The following ATXN1 variants were observed in gnomAD, a reference collection of about 807,000 sequenced individuals.
ATXN1 encodes ataxin-1.
In ATXN1, 8 loss-of-function variants were observed where a neutral mutation model predicts 56.4. That is an observed-to-expected ratio of 0.14 (90% CI 0.08 to 0.26). The LOEUF (loss-of-function observed/expected upper bound fraction) is 0.26. ATXN1 is among the 10% of genes least tolerant of loss of function. ATXN1 has a pLI of 1.00. For missense variants in ATXN1, 987 were observed against 1,106.5 expected, an observed-to-expected ratio of 0.89 and a Z score of 1.53; for synonymous variants, 514 against 494.6, an observed-to-expected ratio of 1.04 and a Z score of -0.52.
intron 2 of ATXN1, among the ~76,000 whole-genome samples, chr6:16,698,332 A>G (rs1391626466): frequency 6.6e-6 from 1 of 152,122 alleles, no homozygotes; most frequent in Non-Finnish European, 1.5e-5. Flanking sequence ...CATAGTACCA[A>G]CCACTCCCTG....
chr6:16,445,453 G>T (rs559034857), intron 6 of ATXN1, among the ~76,000 whole-genome samples: 1 of 152,036 alleles, frequency 6.6e-6, no homozygotes, highest in South Asian at 2.1e-4. Flanking sequence ...TGAATGGGGT[G>T]GTGGGGCAAA....
intron 3 of ATXN1, among the ~76,000 whole-genome samples, chr6:16,605,043 C>T (rs1457914030): frequency 2.6e-5 from 4 of 152,130 alleles, no homozygotes; most frequent in Non-Finnish European, 5.9e-5. Context: ...CATTAGAAAA[C>T]AAATCAAGGA....
chr6:16,594,683 A>T (rs1046143459), intron 3 of ATXN1, among the ~76,000 whole-genome samples: 1 of 152,012 alleles, frequency 6.6e-6, no homozygotes, highest in Non-Finnish European at 1.5e-5. Flanking sequence ...AGGTTTCACT[A>T]TGTTGGCCAG....
At chr6:16,316,772 A>C (rs11755448) in intron 7 of ATXN1, among the ~76,000 whole-genome samples, 16 of 152,176 alleles carry the variant, frequency 1.1e-4, no homozygotes, top group Admixed American at 5.9e-4. Flanking sequence ...AAAACAAAAA[A>C]AAAACTGAAA....
At chr6:16,484,195 A>C (rs9396678) in intron 6 of ATXN1, among the ~76,000 whole-genome samples, 9,679 of 152,206 alleles carry the variant, frequency 0.064, 511 homozygotes, top group East Asian at 0.23. Flanking sequence ...CATTTTGGGA[A>C]GCAGAGGCGG....
At chr6:16,655,351 T>C (rs1418003166) in intron 3 of ATXN1, among the ~76,000 whole-genome samples, 1 of 152,122 alleles carries the variant, frequency 6.6e-6, no homozygotes, top group Non-Finnish European at 1.5e-5. Flanking sequence ...CGAGACCTCG[T>C]ATCTACAAAA....
At chr6:16,731,669 C>T (rs547566180) in intron 2 of ATXN1, among the ~76,000 whole-genome samples, 2 of 151,846 alleles carry the variant, frequency 1.3e-5, no homozygotes, top group South Asian at 4.2e-4. Context: ...AACAAATGGG[C>T]ATTTTTCCCC....
Position 16,410,203 on chromosome 6 carries a change from C to G in ATXN1, c.-161+75769G>C, listed in dbSNP as rs1403684618. The stretch of plus-strand genomic sequence containing the variant: ...TCACAGCATCTAGCGGCCCTCCTTC[C>G]CCCTTACTATGACTTCCAATTTTGA... On this transcript the variant is annotated intron_variant, in intron 6 of 7. Coordinates refer to ENST00000436367, the MANE Select transcript of ATXN1 (RefSeq NM_001128164.2). This position sits in a 1 kb window ranked among gnomAD's most constrained non-coding sequence, Gnocchi z 4.6. Among the ~76,000 whole-genome samples, 1 of 152,176 alleles carries G rather than the reference C, an allele frequency of 6.6e-6. No individual in the cohort carries two copies. Among genetic ancestry groups the G allele is most frequent in the Non-Finnish European group, 1.5e-5 (1 of 68,030 alleles).
intron 6 of ATXN1, among the ~76,000 whole-genome samples, chr6:16,329,619 T>C (rs1005170616): frequency 1.3e-5 from 2 of 152,244 alleles, no homozygotes; most frequent in African/African-American, 4.8e-5. Flanking sequence ...ATGCTTGGTT[T>C]GTCCATCTCT....
At chr6:16,699,868 A>AT in intron 2 of ATXN1, among the ~76,000 whole-genome samples, 1 of 152,270 alleles carries the variant, frequency 6.6e-6, no homozygotes. Flanking sequence ...GCTCACGAAC[A>AT]TTTTTTTAAT....
In ATXN1 at chr6:16,305,528, G is replaced by T. The variant is rs919917933; in HGVS notation, c.*801C>A. ...CCCCCAACCCCCCTTACCCCATGTG[G>T]GGCCATGACAGCAGGGGCTTCCCTG... On this transcript the variant is annotated 3_prime_UTR_variant, in exon 8 of 8. Coordinates refer to ENST00000436367, the MANE Select transcript of ATXN1 (RefSeq NM_001128164.2). The T allele has an allele frequency of 2.0e-5, 3 of 152,332 alleles. No homozygotes were observed. Among genetic ancestry groups the T allele is most frequent in the African/African-American group, 7.2e-5 (3 of 41,394 alleles). 9.4% of individuals were successfully genotyped at this position (152,332 alleles called of 1,614,324 possible). A position where few individuals can be genotyped will look rare whatever the true frequency, so the allele number is the denominator to read the frequency against.
intron 3 of ATXN1, among the ~76,000 whole-genome samples, chr6:16,647,983 G>A (rs1050169356): frequency 2.0e-5 from 3 of 152,204 alleles, no homozygotes; most frequent in African/African-American, 7.2e-5. Context: ...GGCTGAGGCA[G>A]AAGATCTCTT....
chr6:16,399,416 G>A (rs4565296), intron 6 of ATXN1, among the ~76,000 whole-genome samples: 12,614 of 152,244 alleles, frequency 0.083, 692 homozygotes, highest in African/African-American at 0.16. Context: ...GCGCTCACTG[G>A]TCTATGCCGA....
intron 2 of ATXN1, among the ~76,000 whole-genome samples, chr6:16,665,058 A>G (rs1758397438): frequency 6.6e-6 from 1 of 152,182 alleles, no homozygotes; most frequent in Admixed American, 6.5e-5. Context: ...AAATGGTTAA[A>G]TTCTCTTCTG....
intron 2 of ATXN1, among the ~76,000 whole-genome samples, chr6:16,711,539 CAT>C (rs1215826523): frequency 1.3e-5 from 2 of 151,066 alleles, no homozygotes; most frequent in Non-Finnish European, 2.9e-5. Flanking sequence ...TATATATACA[CAT>C]ATATATACAC....
Position 16,731,256 on chromosome 6 carries a change from G to A in ATXN1, c.-615+21977C>T, listed in dbSNP as rs78007550. 6.2e-3 allele frequency among the ~76,000 whole-genome samples: 940 copies of A among 151,890 alleles called. 6 individuals are homozygous for A. Among genetic ancestry groups the A allele is most frequent in the African/African-American group, 0.022 (909 of 41,406 alleles). ...GCTACACTAAACTGCACTAGACCCC[G>A]TTCTAAGATAAGACCCGTATTAACA... is the stretch of plus-strand genomic sequence containing the variant. On this transcript the variant is annotated intron_variant, in intron 2 of 7. Coordinates refer to ENST00000436367, the MANE Select transcript of ATXN1 (RefSeq NM_001128164.2).
intron 2 of ATXN1, among the ~76,000 whole-genome samples, chr6:16,659,825 A>G (rs2206255): frequency 0.7 from 106,131 of 152,100 alleles, 38,428 homozygotes; most frequent in African/African-American, 0.89. Flanking sequence ...ATTTTCAACT[A>G]TCTTGCAGCA....
chr6:16,694,620 C>T (rs1444478525), intron 2 of ATXN1, among the ~76,000 whole-genome samples: 5 of 152,096 alleles, frequency 3.3e-5, no homozygotes, highest in Non-Finnish European at 4.4e-5. Flanking sequence ...TTATCTTTTC[C>T]GATTAGAAAC....
intron 6 of ATXN1, among the ~76,000 whole-genome samples, chr6:16,399,712 C>T (rs1377330594): frequency 2.0e-5 from 3 of 152,150 alleles, no homozygotes; most frequent in Non-Finnish European, 2.9e-5. Flanking sequence ...CGGGTGCTAC[C>T]AGCATCCAGC....
Sources: allele counts gnomAD v4.1 joint callset (sites outside exome capture counted in the v4.1 genomes callset), GRCh38; gene constraint gnomAD v4.1.1; non-coding constraint Gnocchi (gnomAD v3.1); transcripts MANE v1.5; gene names NCBI Gene and HGNC (gene_info 2026-07-23, HGNC 2026-07-21).